The following FHIT variants were observed in gnomAD, a reference collection of about 807,000 sequenced individuals.
FHIT encodes the protein fragile histidine triad diadenosine triphosphatase.
In FHIT, 19 loss-of-function variants were observed where a neutral mutation model predicts 17.9. The observed-to-expected ratio is 1.06, with a 90% confidence interval of 0.74 to 1.56. FHIT has a LOEUF of 1.56. FHIT is among the 40% of genes most tolerant of loss of function. The probability of loss-of-function intolerance (pLI) is 0.00; values close to 1 mark genes in which losing one functional copy is unlikely to be tolerated. For synonymous variants in FHIT, 81 were observed against 69.7 expected (o/e 1.16, Z -0.81); for missense variants, 248 against 189.2 (o/e 1.31, Z -1.82).
chr3:59,882,510 G>A (rs1301591293), intron 8 of FHIT, among the ~76,000 whole-genome samples: 1 of 152,092 alleles, frequency 6.6e-6, no homozygotes, highest in Non-Finnish European at 1.5e-5. Context: ...ATCCAGACTT[G>A]GCAAGGAAAT....
In FHIT at chr3:60,293,887, A is replaced by G. The variant is rs528130002; in HGVS notation, c.103+242973T>C. On this transcript the variant is annotated intron_variant, in intron 5 of 9. Transcript: ENST00000492590. ...TAGGATGCATCATTATGGGAGGTAA[A>G]CCAAAATCTTAAAAAATATATTAGT... Among the ~76,000 whole-genome samples, 3 of 152,242 alleles carry G rather than the reference A, an allele frequency of 2.0e-5. No individual in the cohort carries two copies. The East Asian group carries it at 5.8e-4, about 29-fold the overall frequency.
intron 3 of FHIT, among the ~76,000 whole-genome samples, chr3:61,014,808 AT>A (rs1386385697): frequency 4.8e-4 from 13 of 26,980 alleles, no homozygotes; most frequent in East Asian, 8.0e-4. Flanking sequence ...AAAAAAAAAA[AT>A]ATATATATAT....
At chr3:60,520,700 G>C (rs1479294641) in intron 5 of FHIT, among the ~76,000 whole-genome samples, 1 of 152,116 alleles carries the variant, frequency 6.6e-6, no homozygotes, top group Non-Finnish European at 1.5e-5. Context: ...CATGGTGTTA[G>C]AGGGTCATTT....
At chr3:60,916,955 GA>G (rs1282394262) in intron 3 of FHIT, among the ~76,000 whole-genome samples, 1 of 152,120 alleles carries the variant, frequency 6.6e-6, no homozygotes, top group African/African-American at 2.4e-5. Context: ...CAACATTTTT[GA>G]AACAGTGTTC....
At chr3:60,730,854 C>A (rs918745536) in intron 4 of FHIT, among the ~76,000 whole-genome samples, 1 of 152,062 alleles carries the variant, frequency 6.6e-6, no homozygotes, top group South Asian at 2.1e-4. Context: ...CAGTGGCTCA[C>A]GCCTGTAATC....
chr3:60,906,772 G>A (rs1706449315), intron 3 of FHIT, among the ~76,000 whole-genome samples: 1 of 152,080 alleles, frequency 6.6e-6, no homozygotes, highest in Non-Finnish European at 1.5e-5. Context: ...TATAATTTGT[G>A]TATTTTTTTG....
At chr3:60,060,646 A>G (rs1370667560) in intron 5 of FHIT, among the ~76,000 whole-genome samples, 1 of 152,212 alleles carries the variant, frequency 6.6e-6, no homozygotes, top group Non-Finnish European at 1.5e-5. Context: ...TAGGAGAAAA[A>G]TGAGATTTGC....
intron 8 of FHIT, among the ~76,000 whole-genome samples, chr3:59,788,893 T>TTTTTTTTTTTTTTTTTTTTTTA (rs1553677010): frequency 6.8e-6 from 1 of 147,544 alleles, no homozygotes; most frequent in African/African-American, 2.5e-5. Flanking sequence ...TTTTTTTTTT[T>TTTTTTTTTTTTTTTTTTTTTTA]ACCCCATCTC....
intron 5 of FHIT, among the ~76,000 whole-genome samples, chr3:60,083,320 G>A (rs1023840953): frequency 6.6e-6 from 1 of 152,032 alleles, no homozygotes; most frequent in African/African-American, 2.4e-5. Flanking sequence ...GTCTTTGTCT[G>A]TTTTCACGCC....
intron 5 of FHIT, among the ~76,000 whole-genome samples, chr3:60,226,041 A>G (rs1490600681): frequency 6.6e-6 from 1 of 152,146 alleles, no homozygotes; most frequent in Non-Finnish European, 1.5e-5. Context: ...CAGAGCAGCA[A>G]TGGGACAGCC....
chr3:60,628,407 T>C (rs527783170), intron 4 of FHIT, among the ~76,000 whole-genome samples: 1 of 152,222 alleles, frequency 6.6e-6, no homozygotes, highest in Non-Finnish European at 1.5e-5. Context: ...ACAATGAATA[T>C]TGAAGGTTTT....
At chr3:60,544,596 A>ATTTTTT (rs33965820) in intron 4 of FHIT, among the ~76,000 whole-genome samples, 5 of 124,436 alleles carry the variant, frequency 4.0e-5, no homozygotes, top group African/African-American at 6.1e-5. Context: ...TTCTCAACCT[A>ATTTTTT]TTTTTTTTTT....
At chr3:60,479,774 G>C (rs2033521642) in intron 5 of FHIT, among the ~76,000 whole-genome samples, 1 of 152,148 alleles carries the variant, frequency 6.6e-6, no homozygotes, top group South Asian at 2.1e-4. Flanking sequence ...GAGGGATCTA[G>C]GTTGCATGCT....
intron 3 of FHIT, among the ~76,000 whole-genome samples, chr3:60,894,823 T>C (rs1705704844): frequency 6.6e-6 from 1 of 152,196 alleles, no homozygotes; most frequent in Non-Finnish European, 1.5e-5. Context: ...CCATATTTGC[T>C]TTATCTCTTC....
At chr3:59,974,119 G>C (rs1316161385) in intron 7 of FHIT, among the ~76,000 whole-genome samples, 1 of 152,042 alleles carries the variant, frequency 6.6e-6, no homozygotes, top group African/African-American at 2.4e-5. Context: ...ATCTATACTG[G>C]CCATAAAGGC....
intron 8 of FHIT, among the ~76,000 whole-genome samples, chr3:59,876,460 C>CG (rs1203609803): frequency 6.6e-6 from 1 of 151,606 alleles, no homozygotes. Flanking sequence ...AGCAGCACCC[C>CG]TCCCCAGCCC....
chr3:60,944,637 T>A (rs1409792425), intron 3 of FHIT, among the ~76,000 whole-genome samples: 1 of 152,208 alleles, frequency 6.6e-6, no homozygotes, highest in Non-Finnish European at 1.5e-5. Context: ...TTAATTGTTA[T>A]GGGCTAATGA....
chr3:60,630,934 T>TAAA (rs1202134208), intron 4 of FHIT, among the ~76,000 whole-genome samples: 5 of 93,364 alleles, frequency 5.4e-5, no homozygotes, highest in Non-Finnish European at 8.5e-5. Context: ...CCCAGGTCAT[T>TAAA]AAAAAAAAAA....
intron 3 of FHIT, among the ~76,000 whole-genome samples, chr3:60,899,856 G>A (rs1553762778): frequency 6.6e-6 from 1 of 152,144 alleles, no homozygotes; most frequent in Non-Finnish European, 1.5e-5. Flanking sequence ...AAACAGGATG[G>A]TAGGGGCTGA....
Sources: gnomAD v4.1 joint callset for allele counts (sites outside exome capture counted in the v4.1 genomes callset) on GRCh38, gnomAD v4.1.1 for gene constraint, MANE v1.5 for transcripts, NCBI Gene and HGNC (gene_info 2026-07-23, HGNC 2026-07-21) for gene names.